KRABD2: variants seen among roughly 807,000 people sequenced by gnomAD.
KRABD2 encodes KRAB domain-containing protein 2.
At chr17:8,373,457 GA>G in the KRABD2 span, 1 of 184,010 alleles carries the variant, frequency 5.4e-6, no homozygotes, top group Non-Finnish European at 1.1e-5. Context: ...ATTGCAGATG[GA>G]GTCTCGCTCA....
the KRABD2 span, among the ~76,000 whole-genome samples, chr17:8,367,957 CA>C: frequency 0.26 from 22,211 of 86,328 alleles, 1,595 homozygotes; most frequent in Non-Finnish European, 0.29. Flanking sequence ...AAGTTAAGAG[CA>C]AAAAAAAAAA....
chr17:8,363,659 T>C, the KRABD2 span, among the ~76,000 whole-genome samples: 1 of 151,842 alleles, frequency 6.6e-6, no homozygotes, highest in East Asian at 1.9e-4. Flanking sequence ...TTTTCTACTT[T>C]TTAAATGGCA....
the KRABD2 span, chr17:8,369,303 T>C: frequency 6.2e-7 from 1 of 1,614,264 alleles, no homozygotes; most frequent in South Asian, 1.1e-5. Flanking sequence ...TTCTAGCTCT[T>C]CTTCCGTTTG....
chr17:8,370,005 C>T, the KRABD2 span: 1 of 1,614,178 alleles, frequency 6.2e-7, no homozygotes, highest in Non-Finnish European at 8.5e-7. Context: ...ATGTCCAATA[C>T]TGAGATGTGT....
the KRABD2 span, among the ~76,000 whole-genome samples, chr17:8,366,519 C>T: frequency 2.4e-4 from 37 of 152,314 alleles, no homozygotes; most frequent in Admixed American, 2.1e-3. Flanking sequence ...CAGACGCATA[C>T]CCAAATTCCA....
At chr17:8,370,352 T>C in the KRABD2 span, 1 of 1,594,236 alleles carries the variant, frequency 6.3e-7, no homozygotes, top group South Asian at 1.1e-5. Flanking sequence ...CATTTCCAGC[T>C]CTCTGAGGCA....
At chr17:8,371,762 A>T in the KRABD2 span, 1 of 1,261,588 alleles carries the variant, frequency 7.9e-7, no homozygotes, top group Non-Finnish European at 1.0e-6. Context: ...AGGCTTGATG[A>T]CTCCTAACAG....
chr17:8,367,032 C>A, the KRABD2 span: 1 of 152,072 alleles, frequency 6.6e-6, no homozygotes, highest in Non-Finnish European at 1.5e-5. Flanking sequence ...CCTTCATCTA[C>A]TTATTTTCCT....
At chr17:8,359,749 G>C in the KRABD2 span, 1 of 456,046 alleles carries the variant, frequency 2.2e-6, no homozygotes, top group Middle Eastern at 3.3e-4. Flanking sequence ...GGGCAGAAAG[G>C]CAGGGTTTCA....
At chr17:8,358,834 T>C in the KRABD2 span, among the ~76,000 whole-genome samples, 1 of 152,076 alleles carries the variant, frequency 6.6e-6, no homozygotes, top group Non-Finnish European at 1.5e-5. Context: ...TATCTCAAGA[T>C]ATTTCAACAT....
At chr17:8,369,884 TG>T in the KRABD2 span, 3 of 1,614,248 alleles carry the variant, frequency 1.9e-6, no homozygotes, top group South Asian at 3.3e-5. Context: ...TCTTGGGTAC[TG>T]GGTTCTTCTG....
the KRABD2 span, among the ~76,000 whole-genome samples, chr17:8,361,855 A>G: frequency 1.3e-5 from 2 of 152,162 alleles, no homozygotes; most frequent in African/African-American, 4.8e-5. Context: ...TTGAGCAGGG[A>G]AGATGGTTAT....
At chr17:8,370,500 T>A in the KRABD2 span, 1 of 721,176 alleles carries the variant, frequency 1.4e-6, no homozygotes, top group Non-Finnish European at 2.2e-6. Context: ...GATGATTATA[T>A]GGAAGAATGA....
chr17:8,369,139 A>G, the KRABD2 span: 1 of 1,611,934 alleles, frequency 6.2e-7, no homozygotes, highest in Non-Finnish European at 8.5e-7. Flanking sequence ...TCTGTTCACC[A>G]GCAGAGGAGA....
chr17:8,371,335 T>C, the KRABD2 span: 2 of 1,613,888 alleles, frequency 1.2e-6, no homozygotes, highest in Admixed American at 1.7e-5. Flanking sequence ...CTCATAACTG[T>C]CCAGCATTGT....
chr17:8,371,955 C>T, the KRABD2 span: 21 of 988,552 alleles, frequency 2.1e-5, no homozygotes, highest in East Asian at 1.2e-3. Context: ...TCAGAACAGC[C>T]GTAAGACAGG....
At chr17:8,366,881 C>T in the KRABD2 span, among the ~76,000 whole-genome samples, 2 of 152,054 alleles carry the variant, frequency 1.3e-5, no homozygotes, top group Non-Finnish European at 2.9e-5. Context: ...GCCACCGTGC[C>T]CGGCTAATAC....
chr17:8,375,703 T>TTC, the KRABD2 span: 4 of 171,350 alleles, frequency 2.3e-5, no homozygotes, highest in African/African-American at 5.0e-5. Flanking sequence ...TTTTCTTTCT[T>TTC]TTTTTTTTTT....
the KRABD2 span, among the ~76,000 whole-genome samples, chr17:8,366,367 T>G: frequency 6.6e-6 from 1 of 152,126 alleles, no homozygotes; most frequent in African/African-American, 2.4e-5. Flanking sequence ...CCTCTCTAGG[T>G]AGAGCAGTGA....
Sources: gnomAD v4.1 joint callset for allele counts (sites outside exome capture counted in the v4.1 genomes callset) on GRCh38, gnomAD v4.1.1 for gene constraint, MANE v1.5 for transcripts, NCBI Gene and HGNC (gene_info 2026-07-23, HGNC 2026-07-21) for gene names.